The following RASGEF1C variants were observed in gnomAD, a reference collection of about 807,000 sequenced individuals.
RASGEF1C encodes the protein RasGEF domain family member 1C, also known as ras-GEF domain-containing family member 1C.
Under a neutral mutation model 58.1 loss-of-function variants are expected in RASGEF1C, and 27 were observed. That is an observed-to-expected ratio of 0.46 (90% CI 0.34 to 0.64). RASGEF1C has a LOEUF of 0.64. Among genes scored for constraint, RASGEF1C ranks in the 30% least tolerant of loss-of-function variants. RASGEF1C has a pLI of 0.01. For missense variants in RASGEF1C, 502 were observed against 605.1 expected (o/e 0.83, Z 1.79); for synonymous variants, 243 against 246.3 (o/e 0.99, Z 0.13).
At chr5:180,142,902 C>T (rs962754901) in intron 1 of RASGEF1C, among the ~76,000 whole-genome samples, 1 of 152,108 alleles carries the variant, frequency 6.6e-6, no homozygotes, top group African/African-American at 2.4e-5. Flanking sequence ...CACGTGCCCC[C>T]GCTGTGGCAA....
chr5:180,127,548 C>G, intron 6 of RASGEF1C, 61 bp downstream of exon 6: 19 of 1,500,230 alleles, frequency 1.3e-5, no homozygotes, highest in Non-Finnish European at 1.7e-5. Context: ...GCGGGCTCCC[C>G]GGAGAGCGGC....
At chr5:180,160,189 G>A (rs1013263518) in intron 1 of RASGEF1C, among the ~76,000 whole-genome samples, 1 of 152,180 alleles carries the variant, frequency 6.6e-6, no homozygotes, top group African/African-American at 2.4e-5. Context: ...TGGTGACTCA[G>A]TAGAGCGCCC....
chr5:180,169,604 AG>A (rs1234674901), intron 1 of RASGEF1C, among the ~76,000 whole-genome samples: 3 of 8,142 alleles, frequency 3.7e-4, no homozygotes. Flanking sequence ...CAGTGGGGGC[AG>A]GGGGGCGGGC....
chr5:180,185,030 C>T (rs186456337), intron 1 of RASGEF1C, among the ~76,000 whole-genome samples: 23 of 152,320 alleles, frequency 1.5e-4, no homozygotes, highest in Non-Finnish European at 2.8e-4. Context: ...CGGTGGCTCA[C>T]ACCTGTAATC....
At chr5:180,114,663 G>A (rs1409585777) in intron 10 of RASGEF1C, 122 bp from the exon 11 acceptor site, 1 of 811,872 alleles carries the variant, frequency 1.2e-6, no homozygotes, top group African/African-American at 1.7e-5. Context: ...CCAGGGTGCA[G>A]AGGGCAGGGG....
At chr5:180,181,154 C>A (rs1767317486) in intron 1 of RASGEF1C, among the ~76,000 whole-genome samples, 1 of 152,196 alleles carries the variant, frequency 6.6e-6, no homozygotes, top group South Asian at 2.1e-4. Context: ...GGCAGTGCCT[C>A]CCCAGGATGT....
At chr5:180,201,039 A>G (rs1756385931) in intron 1 of RASGEF1C, among the ~76,000 whole-genome samples, 1 of 152,196 alleles carries the variant, frequency 6.6e-6, no homozygotes, top group African/African-American at 2.4e-5. Context: ...TGGAGGCTGC[A>G]GTGAGCTGTG....
At chr5:180,116,999 T>C (rs1349309661) in intron 10 of RASGEF1C, among the ~76,000 whole-genome samples, 2 of 152,172 alleles carry the variant, frequency 1.3e-5, no homozygotes, top group Admixed American at 1.3e-4. Flanking sequence ...GATGCCCCCA[T>C]AGAGTCGTTG....
At chr5:180,144,067 C>T (rs1031427924) in intron 1 of RASGEF1C, among the ~76,000 whole-genome samples, 5 of 152,288 alleles carry the variant, frequency 3.3e-5, no homozygotes, top group East Asian at 1.9e-4. Flanking sequence ...CGAAGTACCT[C>T]GCACAGTGCC....
In RASGEF1C at chr5:180,127,556, G is replaced by C; in HGVS notation, c.714+53C>G. The C allele has an allele frequency of 3.9e-6, 6 of 1,520,820 alleles. No individual in the cohort carries two copies. In the South Asian group the frequency reaches 6.3e-5, roughly 16 times the overall value. The allele number at this position is 1,520,820 out of a possible 1,614,324, so 94.2% of individuals were successfully genotyped here. The stretch of plus-strand genomic sequence containing the variant: ...AAGGCTCGCGGGCTCCCCGGAGAGC[G>C]GCCAGTCACTGGGTGAGGCTCACTT... On this transcript the variant is annotated intron_variant, in intron 6 of 13. Coordinates refer to ENST00000361132, the MANE Select transcript of RASGEF1C (RefSeq NM_175062.4).
intron 1 of RASGEF1C, among the ~76,000 whole-genome samples, chr5:180,144,515 T>G (rs368742051): frequency 5.9e-5 from 9 of 152,166 alleles, no homozygotes; most frequent in African/African-American, 1.9e-4. Context: ...GTCACACACC[T>G]GTAGTCCGAG....
chr5:180,186,468 T>C (rs1002702576), intron 1 of RASGEF1C, among the ~76,000 whole-genome samples: 1 of 152,180 alleles, frequency 6.6e-6, no homozygotes, highest in African/African-American at 2.4e-5. Flanking sequence ...GGAATAAATT[T>C]AACCAAGAGG....
chr5:180,169,842 C>G (rs1255353485), intron 1 of RASGEF1C, among the ~76,000 whole-genome samples: 2 of 134,450 alleles, frequency 1.5e-5, no homozygotes, highest in Non-Finnish European at 3.2e-5. Context: ...CAGTTCTCCC[C>G]TCGCCCTCCC....
At position 180,182,165 on chromosome 5, in the gene RASGEF1C, A is replaced by G. The variant is rs544412615; in HGVS notation, c.-7+26863T>C. On this transcript the variant is annotated intron_variant, in intron 1 of 13. Coordinates refer to ENST00000361132, the MANE Select transcript of RASGEF1C (RefSeq NM_175062.4). ...GCTTGCAGTGAGTCGAGATCGCGCC[A>G]CTGAACTCCAGCCTGGGCAACAGAG... Among the ~76,000 whole-genome samples the G allele has an allele frequency of 1.7e-3, 221 of 132,608 alleles. 2 individuals are homozygous for G. The highest frequency in any genetic ancestry group is 6.4e-3 in the African/African-American group (214 of 33,354). The allele number at this position is 132,608 out of a possible 152,430, so 87.0% of individuals were successfully genotyped here.
At chr5:180,208,097 C>A (rs1258487969) in intron 1 of RASGEF1C, among the ~76,000 whole-genome samples, 2 of 152,146 alleles carry the variant, frequency 1.3e-5, no homozygotes, top group African/African-American at 2.4e-5. Flanking sequence ...CGGTCGCCTG[C>A]ACAGTGGCTG....
At chr5:180,171,953 C>T (rs1265801448) in intron 1 of RASGEF1C, among the ~76,000 whole-genome samples, 2 of 152,056 alleles carry the variant, frequency 1.3e-5, no homozygotes, top group Admixed American at 1.3e-4. Flanking sequence ...AGTGGGCTCA[C>T]GAGACCCATG....
chr5:180,134,325 A>G (rs552502669), intron 4 of RASGEF1C, among the ~76,000 whole-genome samples: 1 of 151,958 alleles, frequency 6.6e-6, no homozygotes, highest in Non-Finnish European at 1.5e-5. Context: ...CTGGTGACAG[A>G]CCTGTGCGTT....
intron 1 of RASGEF1C, among the ~76,000 whole-genome samples, chr5:180,173,760 G>A (rs750945811): frequency 7.3e-5 from 11 of 151,520 alleles, no homozygotes; most frequent in Non-Finnish European, 1.3e-4. Flanking sequence ...TAAAAATACA[G>A]AAATTAGCTG....
At position 180,137,768 on chromosome 5, in the gene RASGEF1C, G is replaced by A. The variant is rs562367934; in HGVS notation, c.178-56C>T. ...CTCAGGAGGGCACCAGGAGGGGCAT[G>A]CTTCCCAGCTGGCCCTGTACCCTGG... On this transcript the variant is annotated intron_variant, in intron 2 of 13. Coordinates refer to ENST00000361132, the MANE Select transcript of RASGEF1C (RefSeq NM_175062.4). This position sits in a 1 kb window ranked among gnomAD's most constrained non-coding sequence, Gnocchi z 4.1. The A allele has an allele frequency of 6.2e-7, 1 of 1,607,568 alleles. No homozygotes were observed. The highest frequency in any genetic ancestry group is 1.7e-5 in the Admixed American group (1 of 59,710).
Sources: gnomAD v4.1 joint callset for allele counts (sites outside exome capture counted in the v4.1 genomes callset) on GRCh38, gnomAD v4.1.1 for gene constraint, Gnocchi (gnomAD v3.1) non-coding constraint, MANE v1.5 for transcripts, NCBI Gene and HGNC (gene_info 2026-07-23, HGNC 2026-07-21) for gene names.